The following VDR variants were observed in gnomAD, a reference collection of about 807,000 sequenced individuals.
VDR encodes vitamin D receptor.
VDR carries 19 observed loss-of-function variants against 39.7 expected under a neutral mutation model. That is an observed-to-expected ratio of 0.48 (90% CI 0.33 to 0.70). VDR has a LOEUF of 0.70. Among genes scored for constraint, VDR ranks in the 30% least tolerant of loss-of-function variants. The pLI is 0.02. For missense variants in VDR, 442 were observed against 570.5 expected, an observed-to-expected ratio of 0.77 and a Z score of 2.29; for synonymous variants, 242 against 215.8, an observed-to-expected ratio of 1.12 and a Z score of -1.07.
intron 6 of VDR, 51 bp downstream of exon 6, chr12:47,857,078 G>T: frequency 6.2e-7 from 1 of 1,611,788 alleles, no homozygotes; most frequent in Non-Finnish European, 8.5e-7. Context: ...AGGTGCGGTG[G>T]ACTCCTCGCC....
intron 3 of VDR, among the ~76,000 whole-genome samples, chr12:47,878,611 C>A (rs763728966): frequency 1.3e-5 from 2 of 152,182 alleles, no homozygotes; most frequent in African/African-American, 4.8e-5. Flanking sequence ...CAAAGACATG[C>A]CTGTCTCTTG....
rs1391849769 is a variant in VDR at position 47,857,352 on chromosome 12, G to A, written c.463-103C>T. On this transcript the variant is annotated intron_variant, in intron 5 of 9. Coordinates refer to ENST00000549336, the MANE Select transcript of VDR (RefSeq NM_000376.3). ...GGCTTTGAGGAAGGTCTACAGGAAGGCGAAGCCTCCCAGTGCCAGGGGCAG... is the reference window on the plus strand; with the variant it reads ...GGCTTTGAGGAAGGTCTACAGGAAGACGAAGCCTCCCAGTGCCAGGGGCAG... 3 of 1,607,050 alleles carry A rather than the reference G, an allele frequency of 1.9e-6. No homozygotes were observed. In the African/African-American group the frequency reaches 4.0e-5, roughly 21 times the overall value.
rs1480348629 is a variant in VDR, at chr12:47,843,316, A to G, written c.*1430T>C. 6.6e-6 allele frequency: 1 copy of G among 152,134 alleles called. No homozygotes were observed. Among genetic ancestry groups the G allele is most frequent in the Non-Finnish European group, 1.5e-5 (1 of 68,006 alleles). The allele number at this position is 152,134 out of a possible 1,614,324, so 9.4% of individuals were successfully genotyped here. A position where few individuals can be genotyped will look rare whatever the true frequency, so the allele number is the denominator to read the frequency against. ...CAGGAGTTGGGGCAGTCACGTTCCC[A>G]CTGACTTTAACATTCCTGGTGACTC... On this transcript the variant is annotated 3_prime_UTR_variant, in exon 10 of 10. Transcript: ENST00000549336.
intron 6 of VDR, 52 bp from the exon 7 acceptor site, chr12:47,855,853 C>A: frequency 1.9e-6 from 3 of 1,607,634 alleles, no homozygotes; most frequent in Non-Finnish European, 2.5e-6. Flanking sequence ...TTGGACCAGG[C>A]CCCCTCCTGC....
intron 1 of VDR, among the ~76,000 whole-genome samples, chr12:47,891,398 G>C (rs1287277458): frequency 2.6e-5 from 4 of 152,132 alleles, no homozygotes; most frequent in Non-Finnish European, 5.9e-5. Flanking sequence ...ATAATCAATG[G>C]AGAATCCAGG....
At chr12:47,860,250 G>A (rs916868023) in intron 4 of VDR, among the ~76,000 whole-genome samples, 10 of 152,132 alleles carry the variant, frequency 6.6e-5, no homozygotes, top group African/African-American at 9.7e-5. Flanking sequence ...ACAGGCGTGA[G>A]CTACCATGCC....
At chr12:47,879,634 G>T (rs576930118) in intron 2 of VDR, among the ~76,000 whole-genome samples, 36 of 152,216 alleles carry the variant, frequency 2.4e-4, no homozygotes, top group Non-Finnish European at 4.4e-4. Context: ...TCTTGAGGGT[G>T]GGGGGAATTG....
chr12:47,852,005 A>G (rs923845879), intron 7 of VDR, among the ~76,000 whole-genome samples: 1 of 152,208 alleles, frequency 6.6e-6, no homozygotes, highest in Non-Finnish European at 1.5e-5. Context: ...AGAAACTGAG[A>G]GTAGTGCTAT....
In VDR at chr12:47,841,904, A is replaced by T. The variant is rs1383750340; in HGVS notation, c.*2842T>A. The T allele has an allele frequency of 6.6e-6, 1 of 152,332 alleles. No individual in the cohort carries two copies. Among genetic ancestry groups the T allele is most frequent in the Admixed American group, 6.5e-5 (1 of 15,280 alleles). 9.4% of individuals were successfully genotyped at this position (152,332 alleles called of 1,614,324 possible). On this transcript the variant is annotated 3_prime_UTR_variant, in exon 10 of 10. Coordinates refer to ENST00000549336, the MANE Select transcript of VDR (RefSeq NM_000376.3). ...TAATGATATACCTTAAAAGTTTTAC[A>T]TTTACAAATGTCTATTTCACACTCT...
intron 4 of VDR, among the ~76,000 whole-genome samples, chr12:47,858,366 A>G (rs1371140912): frequency 1.3e-5 from 2 of 152,236 alleles, no homozygotes; most frequent in African/African-American, 4.8e-5. Flanking sequence ...GAATATAGAA[A>G]GACTAGACCT....
intron 7 of VDR, 79 bp from the exon 8 acceptor site, chr12:47,846,887 G>A: frequency 1.3e-6 from 2 of 1,548,554 alleles, no homozygotes; most frequent in East Asian, 2.2e-5. Flanking sequence ...TGCTTTGACA[G>A]GTATACACCT....
chr12:47,871,919 TACAC>T lies in VDR; in HGVS notation c.147-6746_147-6743del, dbSNP rs761980509. ...ATGGTGACGTGTGTGCACACACACA[TACAC>T]ACACACACATATGCACTTTTACATA... On this transcript the variant is annotated intron_variant, in intron 3 of 9. Transcript: ENST00000549336. 4.6e-5 allele frequency among the ~76,000 whole-genome samples: 7 copies of T among 152,148 alleles called. No homozygotes were observed. The East Asian group carries it at 1.2e-3, about 25-fold the overall frequency.
intron 1 of VDR, among the ~76,000 whole-genome samples, chr12:47,885,712 T>C (rs1565631594): frequency 6.6e-6 from 1 of 152,222 alleles, no homozygotes; most frequent in Non-Finnish European, 1.5e-5. Flanking sequence ...TTTTTTCTTT[T>C]TAAGAGACAA....
At chr12:47,879,769 C>CG in intron 2 of VDR, among the ~76,000 whole-genome samples, 1 of 152,268 alleles carries the variant, frequency 6.6e-6, no homozygotes, top group South Asian at 2.1e-4. Flanking sequence ...TTTCCCCCCC[C>CG]TTTTTTTGGC....
chr12:47,864,948 G>T lies in VDR; in HGVS notation c.277+99C>A, dbSNP rs1945697061. ...CCAGATGCTGGCAGCTACAGAGGAA[G>T]GGCAGGCAGACCCTCTGCCCAAACT... On this transcript the variant is annotated intron_variant, in intron 4 of 9. Coordinates refer to ENST00000549336, the MANE Select transcript of VDR (RefSeq NM_000376.3). 6 of 1,583,044 alleles carry T rather than the reference G, an allele frequency of 3.8e-6. 1 individual carries two copies. In the East Asian group the frequency reaches 1.4e-4, roughly 36 times the overall value.
chr12:47,846,989 A>C (rs116334042), intron 7 of VDR, among the ~76,000 whole-genome samples, 181 bp from the exon 8 acceptor site: 48 of 152,266 alleles, frequency 3.2e-4, no homozygotes, highest in African/African-American at 1.1e-3. Context: ...AGAACAGTTC[A>C]ACACTGTGAT....
rs556553276 is a variant in VDR, at chr12:47,894,284, G to A, written c.-84+10671C>T. Among the ~76,000 whole-genome samples the A allele has an allele frequency of 3.9e-5, 6 of 152,312 alleles. No individual in the cohort carries two copies. The South Asian group carries it at 6.2e-4, about 16-fold the overall frequency. On this transcript the variant is annotated intron_variant, in intron 1 of 9. Transcript: ENST00000549336. ...CCCTGAGCCAGGCCTGCTGCCCACC[G>A]GATGTCTGAACCAGCTGGCAGAAGT...
chr12:47,870,945 T>C (rs1449123497), intron 3 of VDR, among the ~76,000 whole-genome samples: 1 of 152,090 alleles, frequency 6.6e-6, no homozygotes, highest in Non-Finnish European at 1.5e-5. Flanking sequence ...CCCCAGCAAA[T>C]CTAAAGGAAT....
intron 3 of VDR, among the ~76,000 whole-genome samples, chr12:47,869,021 T>A (rs1324847000): frequency 2.0e-5 from 3 of 152,240 alleles, no homozygotes; most frequent in African/African-American, 7.2e-5. Context: ...AGGCCCCGTC[T>A]GTCCTTCCCC....
Sources: allele counts gnomAD v4.1 joint callset (sites outside exome capture counted in the v4.1 genomes callset), GRCh38; gene constraint gnomAD v4.1.1; transcripts MANE v1.5; gene names NCBI Gene and HGNC (gene_info 2026-07-23, HGNC 2026-07-21).